The following SIX5 variants were observed in gnomAD, a reference collection of about 807,000 sequenced individuals.
SIX5 encodes the protein homeobox protein SIX5.
Under a neutral mutation model 37.1 loss-of-function variants are expected in SIX5, and 21 were observed. The observed-to-expected ratio is 0.57, with a 90% confidence interval of 0.40 to 0.81. The LOEUF is 0.81. SIX5 is among the 40% of genes least tolerant of loss of function. The pLI is 0.00. For missense variants in SIX5, 1,137 were observed against 1,025.1 expected, an observed-to-expected ratio of 1.11 and a Z score of -1.49; for synonymous variants, 626 against 505.9, an observed-to-expected ratio of 1.24 and a Z score of -3.19.
rs1460512269 is a variant in SIX5, at chr19:45,766,118, G to A, written c.1610-7C>T. ...TTGGCCAGGAGGAAGTTTCCTGTGG[G>A]GAGAGAGGGACCGAGCGCAGGTGAG... On this transcript the variant is annotated splice_region_variant and splice_polypyrimidine_tract_variant and intron_variant, in intron 2 of 2. Transcript: ENST00000317578. 23 of 1,610,240 alleles carry A rather than the reference G, an allele frequency of 1.4e-5. No individual in the cohort carries two copies. Among genetic ancestry groups the A allele is most frequent in the East Asian group, 2.2e-5 (1 of 44,820 alleles).
chr19:45,765,590 C>T lies in SIX5; in HGVS notation c.2131G>A (p.Gly711Arg). The T allele has an allele frequency of 1.2e-6, 2 of 1,613,324 alleles. No homozygotes were observed. Among genetic ancestry groups the T allele is most frequent in the Non-Finnish European group, 8.5e-7 (1 of 1,179,986 alleles). The change falls in exon 3 of 3, where the codon GGG (glycine) becomes AGG (arginine). Residue 711 changes from glycine to arginine, a missense_variant. Physicochemically the swap from Gly to Arg is moderately radical, Grantham distance 125 (BLOSUM62 -2). This residue lies in a region of SIX5 where 787 missense variants were observed against 621.4 expected (regional missense o/e 1.27). Transcript: ENST00000317578. Reference protein sequence around the residue: ...PEGLLLGATAGGEVDEGLEAE... With the variant: ...PEGLLLGATARGEVDEGLEAE... ...TCCAACCCCTCGTCAACCTCACCCCCTGCGGTGGCCCCCAGGAGCAGCCCC... is the reference window on the plus strand; with the variant it reads ...TCCAACCCCTCGTCAACCTCACCCCTTGCGGTGGCCCCCAGGAGCAGCCCC...
Position 45,768,287 on chromosome 19 carries a change from A to G in SIX5, c.558T>C (p.Tyr186=), listed in dbSNP as rs774535611. The change falls in exon 1 of 3, where the codon TAT becomes TAC. Residue 186 remains tyrosine (Y), a synonymous_variant. Transcript: ENST00000317578. ...RGRALGAVDK[Y]RLRKKFPLPK... is the part of the protein sequence containing the mutation. ...GCAGCGGGAACTTCTTGCGCAGTCG[A>G]TACTTGTCCACTGCGCCAAGCGCGC... The G allele has an allele frequency of 3.7e-6, 6 of 1,612,144 alleles. No homozygotes were observed. In the Admixed American group the frequency reaches 8.4e-5, roughly 22 times the overall value.
Position 45,765,794 on chromosome 19 carries a change from G to A in SIX5, c.1927C>T (p.Leu643Phe), listed in dbSNP as rs772388730. ...SLPFSPDSPG[L>F]LPNFPAPPPE... ...GGGGGCGCCGGGAAGTTGGGCAGGAGGCCAGGGGAGTCAGGGGAGAAGGGC... is the reference window on the plus strand; with the variant it reads ...GGGGGCGCCGGGAAGTTGGGCAGGAAGCCAGGGGAGTCAGGGGAGAAGGGC... The change falls in exon 3 of 3, where the codon CTC (leucine) becomes TTC (phenylalanine). Residue 643 changes from leucine (L) to phenylalanine (F), a missense_variant. Leu to Phe is a conservative substitution (Grantham distance 22). Around this residue, in one of 3 missense-constraint regions of SIX5, gnomAD observed 787 missense variants for 621.4 expected, o/e 1.27. Coordinates refer to ENST00000317578, the MANE Select transcript of SIX5 (RefSeq NM_175875.5). 1.9e-6 allele frequency: 3 copies of A among 1,605,676 alleles called. No homozygotes were observed. Among genetic ancestry groups the A allele is most frequent in the African/African-American group, 1.3e-5 (1 of 75,048 alleles).
Position 45,768,657 on chromosome 19 carries a change from C to G in SIX5, c.188G>C (p.Gly63Ala). The G allele has an allele frequency of 7.8e-7, 1 of 1,276,752 alleles. No homozygotes were observed. Among genetic ancestry groups the G allele is most frequent in the South Asian group, 3.0e-5 (1 of 33,894 alleles). 79.1% of individuals were successfully genotyped at this position (1,276,752 alleles called of 1,614,324 possible). Residue 63 changes from glycine to alanine, a missense_variant, in exon 1 of 3, where the codon GGC becomes GCC. Coordinates refer to ENST00000317578, the MANE Select transcript of SIX5 (RefSeq NM_175875.5). ...GAGAAAAGAEGPGSPGVPGSP... is the reference protein window; with the variant it reads ...GAGAAAAGAEAPGSPGVPGSP... ...CCCGGGGACGCCCGGGGATCCCGGG[C>G]CCTCAGCTCCCGCAGCCGCTGCGCC...
intron 1 of SIX5, among the ~76,000 whole-genome samples, chr19:45,767,431 C>T (rs1969101299): frequency 6.6e-6 from 1 of 152,212 alleles, no homozygotes; most frequent in African/African-American, 2.4e-5. Flanking sequence ...CCTAAAAGTT[C>T]CTTGGTTGGG....
Position 45,766,596 on chromosome 19 carries a change from G to C in SIX5, c.1363C>G (p.Pro455Ala), listed in dbSNP as rs1247105974. ...GGATACCCCGGGGGTGGGGAGAGCG[G>C]TACCACTTGTGGGGCAGCCACAGCA... ...VPAVAAPQVV[P>A]LSPPPGYPTG... Residue 455 changes from proline to alanine, a missense_variant, in exon 2 of 3, where the codon CCG (proline) becomes GCG (alanine). Coordinates refer to ENST00000317578, the MANE Select transcript of SIX5 (RefSeq NM_175875.5). 1 of 1,469,632 alleles carries C rather than the reference G, an allele frequency of 6.8e-7. No homozygotes were observed. Among genetic ancestry groups the C allele is most frequent in the Admixed American group, 2.5e-5 (1 of 40,516 alleles). 91.0% of individuals were successfully genotyped at this position (1,469,632 alleles called of 1,614,324 possible).
chr19:45,768,148 G>T lies in SIX5; in HGVS notation c.697C>A (p.Arg233Ser). 1 of 1,611,420 alleles carries T rather than the reference G, an allele frequency of 6.2e-7. No individual in the cohort carries two copies. Among genetic ancestry groups the T allele is most frequent in the Admixed American group, 1.7e-5 (1 of 59,956 alleles). ...GACAGGCCGGTGAGTGTGGCCAGGC[G>T]GCGCTTCTCGTCCGGCGTGGGGTAG... ...NRYPTPDEKR[R>S]LATLTGLSLT... The change falls in exon 1 of 3, where the codon CGC (arginine) becomes AGC (serine). Residue 233 changes from arginine (R) to serine (S), a missense_variant. By Grantham distance (110) the Arg-to-Ser change is moderately radical (BLOSUM62 -1). Transcript: ENST00000317578.
At position 45,768,330 on chromosome 19, in the gene SIX5, G is replaced by C. The variant is rs1175897647; in HGVS notation, c.515C>G (p.Ala172Gly). ...DLYLRARYHE[A>G]ERARGRALGA... ...AAGCGCGCGGCCGCGGGCCCGCTCG[G>C]CCTCATGGTAGCGCGCGCGCAGGTA... Residue 172 changes from alanine (A) to glycine (G), a missense_variant, in exon 1 of 3, where the codon GCC (alanine) becomes GGC (glycine). Ala to Gly is a moderately conservative substitution (Grantham distance 60, BLOSUM62 0). Around this residue, in one of 3 missense-constraint regions of SIX5, gnomAD observed 331 missense variants for 360.9 expected, o/e 0.92. Coordinates refer to ENST00000317578, the MANE Select transcript of SIX5 (RefSeq NM_175875.5). 1 of 1,605,260 alleles carries C rather than the reference G, an allele frequency of 6.2e-7. No individual in the cohort carries two copies.
chr19:45,766,889 C>T lies in SIX5; in HGVS notation c.1070G>A (p.Gly357Asp). 3 of 1,550,316 alleles carry T rather than the reference C, an allele frequency of 1.9e-6. No homozygotes were observed. The highest frequency in any genetic ancestry group is 2.6e-6 in the Non-Finnish European group (3 of 1,150,366). ...CCCGCCCCCAGTGAGCAGCAGCGGG[C>T]CCAGGCTGGAGGCCTCGCCCAGGGC... Reference protein sequence around the residue: ...GLALGEASSLGPLLLTGGGGA... With the variant: ...GLALGEASSLDPLLLTGGGGA... The change falls in exon 2 of 3, where the codon GGC (glycine) becomes GAC (aspartate). Residue 357 changes from glycine to aspartate, a missense_variant. This residue lies in a region of SIX5 where 787 missense variants were observed against 621.4 expected (regional missense o/e 1.27). Coordinates refer to ENST00000317578, the MANE Select transcript of SIX5 (RefSeq NM_175875.5).
At position 45,768,581 on chromosome 19, in the gene SIX5, G is replaced by C. The variant is rs1229444382; in HGVS notation, c.264C>G (p.Pro88=). 2 of 1,361,662 alleles carry C rather than the reference G, an allele frequency of 1.5e-6. No homozygotes were observed. The highest frequency in any genetic ancestry group is 2.7e-4 in the Middle Eastern group (1 of 3,660). The allele number at this position is 1,361,662 out of a possible 1,614,324, so 84.3% of individuals were successfully genotyped here. ...CCTCGCAGACGCACGCCACCTGCTC[G>C]GGCGAGAAGCGGAGGCCCGTGGGCG... ...SEPPTGLRFS[P]EQVACVCEAL... The change falls in exon 1 of 3, where the codon CCC becomes CCG. Residue 88 remains proline, a synonymous_variant. Coordinates refer to ENST00000317578, the MANE Select transcript of SIX5 (RefSeq NM_175875.5).
In SIX5 at chr19:45,769,083, C is replaced by T. The variant is rs1969169182; in HGVS notation, c.-239G>A. 1 of 493,382 alleles carries T rather than the reference C, an allele frequency of 2.0e-6. No individual in the cohort carries two copies. Among genetic ancestry groups the T allele is most frequent in the Non-Finnish European group, 3.6e-6 (1 of 277,976 alleles). The allele number at this position is 493,382 out of a possible 1,614,324, so 30.6% of individuals were successfully genotyped here. ...TGTGATTCTCCCTTTGTTTTCCCTC[C>T]GCCTCTGGCCGCGCTTTCTGCCTCC... On this transcript the variant is annotated 5_prime_UTR_variant, in exon 1 of 3. Transcript: ENST00000317578.
In SIX5 at chr19:45,764,930, G is replaced by A. The variant is rs2146204693; in HGVS notation, c.*571C>T. The stretch of plus-strand genomic sequence containing the variant: ...ATCTTTGGTCTGGGCCGGATAATGA[G>A]GACAAGGGCTTGAGTCGAGGGGAGC... On this transcript the variant is annotated 3_prime_UTR_variant, in exon 3 of 3. Transcript: ENST00000317578. The A allele has an allele frequency of 5.7e-6, 1 of 176,734 alleles. No homozygotes were observed. Among genetic ancestry groups the A allele is most frequent in the East Asian group, 1.4e-4 (1 of 7,108 alleles). The allele number at this position is 176,734 out of a possible 1,614,324, so 10.9% of individuals were successfully genotyped here.
Position 45,765,643 on chromosome 19 carries a change from A to C in SIX5, c.2078T>G (p.Val693Gly). ...KGLGTQAPHT[V>G]LRLPDPDPEG... ...AGGGTCGGGGTCTGGCAGCCTCAGC[A>C]CGGTGTGGGGGGCCTGTGTCCCCAG... The change falls in exon 3 of 3, where the codon GTG becomes GGG. Residue 693 changes from valine to glycine, a missense_variant. Physicochemically the swap from Val to Gly is moderately radical, Grantham distance 109. This residue lies in a region of SIX5 where 787 missense variants were observed against 621.4 expected (regional missense o/e 1.27). Transcript: ENST00000317578. 6.2e-7 allele frequency: 1 copy of C among 1,612,584 alleles called. No homozygotes were observed. Among genetic ancestry groups the C allele is most frequent in the Non-Finnish European group, 8.5e-7 (1 of 1,179,528 alleles).
In SIX5 at chr19:45,767,150, G is replaced by C; in HGVS notation, c.809C>G (p.Ser270Cys). The C allele has an allele frequency of 2.5e-6, 4 of 1,611,960 alleles. No homozygotes were observed. Among genetic ancestry groups the C allele is most frequent in the Non-Finnish European group, 3.4e-6 (4 of 1,179,900 alleles). Residue 270 changes from serine to cysteine, a missense_variant, in exon 2 of 3, where the codon TCT (serine) becomes TGT (cysteine). Around this residue, in one of 3 missense-constraint regions of SIX5, gnomAD observed 787 missense variants for 621.4 expected, o/e 1.27. Transcript: ENST00000317578. ...GTCCTCAGTCGTGGGATTCCCATCA[G>C]ACTCGCTGGCCGGAGAAATGGCTGT... ...AGGGAPCKSE[S>C]DGNPTTEDES...
Position 45,766,626 on chromosome 19 carries a change from C to T in SIX5, c.1333G>A (p.Val445Met), listed in dbSNP as rs1365035223. 3.4e-6 allele frequency: 5 copies of T among 1,472,878 alleles called. No homozygotes were observed. The East Asian group carries it at 1.2e-4, about 37-fold the overall frequency. The allele number at this position is 1,472,878 out of a possible 1,614,324, so 91.2% of individuals were successfully genotyped here. A position where few individuals can be genotyped will look rare whatever the true frequency, so the allele number is the denominator to read the frequency against. The change falls in exon 2 of 3, where the codon GTG becomes ATG. Residue 445 changes from valine (V) to methionine (M), a missense_variant. Transcript: ENST00000317578. ...AATFPLPPGPVPAVAAPQVVP... is the reference protein window; with the variant it reads ...AATFPLPPGPMPAVAAPQVVP... ...ACTTGTGGGGCAGCCACAGCAGGCA[C>T]TGGCCCCGGGGGCAGAGGAAAGGTG... is the stretch of plus-strand genomic sequence containing the variant.
chr19:45,767,207 C>T (rs764253246), intron 1 of SIX5, 52 bp from the exon 2 acceptor site: 2 of 1,569,268 alleles, frequency 1.3e-6, no homozygotes, highest in South Asian at 1.1e-5. Context: ...TGGGGCCTCC[C>T]GCATAGCCAG....
In SIX5 at chr19:45,765,647, T is replaced by C. The variant is rs755072507; in HGVS notation, c.2074A>G (p.Thr692Ala). ...TCGGGGTCTGGCAGCCTCAGCACGG[T>C]GTGGGGGGCCTGTGTCCCCAGCCCC... ...EKGLGTQAPH[T>A]VLRLPDPDPE... is the part of the protein sequence containing the mutation. The change falls in exon 3 of 3, where the codon ACC becomes GCC. Residue 692 changes from threonine (T) to alanine (A), a missense_variant. Thr to Ala is a moderately conservative substitution (Grantham distance 58). Coordinates refer to ENST00000317578, the MANE Select transcript of SIX5 (RefSeq NM_175875.5). 6.2e-7 allele frequency: 1 copy of C among 1,612,458 alleles called. No homozygotes were observed. Among genetic ancestry groups the C allele is most frequent in the South Asian group, 1.1e-5 (1 of 91,030 alleles).
Position 45,765,618 on chromosome 19 carries a change from AG to A in SIX5, c.2102del (p.Pro701LeufsTer25). The A allele has an allele frequency of 6.2e-7, 1 of 1,612,592 alleles. No homozygotes were observed. The highest frequency in any genetic ancestry group is 8.5e-7 in the Non-Finnish European group (1 of 1,179,510). ...HTVLRLPDPD[P>X]EGLLLGATAG... is the part of the protein sequence containing the mutation. ...CGGTGGCCCCCAGGAGCAGCCCCTC[AG>A]GGTCGGGGTCTGGCAGCCTCAGCAC... is the stretch of plus-strand genomic sequence containing the variant. On this transcript the variant is annotated frameshift_variant, in exon 3 of 3. Coordinates refer to ENST00000317578, the MANE Select transcript of SIX5 (RefSeq NM_175875.5). LOFTEE classifies it high-confidence loss of function.
In SIX5 at chr19:45,766,661, G is replaced by A. The variant is rs758006105; in HGVS notation, c.1298C>T (p.Pro433Leu). ...GGGCAGAGGAAAGGTGGCAGCCGTC[G>A]GGGGGCCAGGCACCACTTGGGCCAG... ...GPLAQVVPGP[P>L]TAATFPLPPG... Residue 433 changes from proline to leucine, a missense_variant, in exon 2 of 3, where the codon CCG becomes CTG. Around this residue, in one of 3 missense-constraint regions of SIX5, gnomAD observed 787 missense variants for 621.4 expected, o/e 1.27. Transcript: ENST00000317578. 4.0e-6 allele frequency: 6 copies of A among 1,487,352 alleles called. No individual in the cohort carries two copies. The highest frequency in any genetic ancestry group is 1.4e-5 in the African/African-American group (1 of 70,990). The allele number at this position is 1,487,352 out of a possible 1,614,324, so 92.1% of individuals were successfully genotyped here.
Sources: gnomAD v4.1 joint callset for allele counts (sites outside exome capture counted in the v4.1 genomes callset) on GRCh38, gnomAD v4.1.1 for gene constraint, gnomAD v4.1.1 regional missense constraint, MANE v1.5 for transcripts, NCBI Gene and HGNC (gene_info 2026-07-23, HGNC 2026-07-21) for gene names.